Variants in ATRX observed in about 807,000 individuals in gnomAD.
The protein encoded by ATRX is ATRX chromatin remodeler.
A neutral mutation model predicts 172.6 loss-of-function variants in ATRX; 12 were observed. The observed-to-expected ratio is 0.07, with a 90% CI of 0.04 to 0.11. ATRX has a LOEUF of 0.11. Among genes scored for constraint, ATRX ranks in the 10% least tolerant of loss-of-function variants. The pLI, the probability that ATRX is intolerant of heterozygous loss-of-function variation, is 1.00. For synonymous variants in ATRX, 674 were observed against 594.7 expected (o/e 1.13, Z -1.94); for missense variants, 1,368 against 1,767.4 (o/e 0.77, Z 4.05).
At chrX:77,746,827 C>G (rs782020988) in intron 1 of ATRX, among the ~76,000 whole-genome samples, 1 of 111,418 alleles carries the variant, frequency 9.0e-6, no homozygotes, top group South Asian at 3.8e-4. Flanking sequence ...GAGATGGAGT[C>G]TTGCTCTGTG....
chrX:77,694,710 AG>A lies in ATRX; in HGVS notation c.371-774del, dbSNP rs2072085957. Among the ~76,000 whole-genome samples the A allele has an allele frequency of 3.6e-5, 4 of 110,242 alleles. No homozygotes were observed. The South Asian group carries it at 1.6e-3, about 43-fold the overall frequency. On this transcript the variant is annotated intron_variant, in intron 5 of 34. Coordinates refer to ENST00000373344, the MANE Select transcript of ATRX (RefSeq NM_000489.6). ...AGCAAATAAGACAGGCATAGTAAAA[AG>A]GGTTTAGGTTTCAATGTTTACCTAC...
At chrX:77,612,436 G>A (rs1031204353) in intron 22 of ATRX, among the ~76,000 whole-genome samples, 3 of 109,328 alleles carry the variant, frequency 2.7e-5, no homozygotes, top group Non-Finnish European at 5.7e-5. Flanking sequence ...GGGGCAAGGG[G>A]AGGAAGAGCA....
intron 6 of ATRX, among the ~76,000 whole-genome samples, chrX:77,690,171 G>A (rs1307725889): frequency 9.0e-6 from 1 of 111,715 alleles, no homozygotes; most frequent in African/African-American, 3.3e-5. Flanking sequence ...TACCTCCCAG[G>A]CTCAAGCAAT....
At position 77,505,287 on chromosome X, in the gene ATRX, G is replaced by A. The variant is rs782465913; in HGVS notation, c.*3064C>T. On this transcript the variant is annotated 3_prime_UTR_variant, in exon 35 of 35. Coordinates refer to ENST00000373344, the MANE Select transcript of ATRX (RefSeq NM_000489.6). ...TCGATCTGATTTTATGATAATGGAG[G>A]GAAAATGAACATAGCTAAGGGAAGG... The A allele has an allele frequency of 5.7e-6, 1 of 174,256 alleles. No homozygotes were observed. Among genetic ancestry groups the A allele is most frequent in the Non-Finnish European group, 1.1e-5 (1 of 90,933 alleles). The allele number at this position is 174,256 out of a possible 1,213,427, so 14.4% of individuals were successfully genotyped here.
At chrX:77,589,713 A>G in intron 27 of ATRX, 121 bp downstream of exon 27, 1 of 568,045 alleles carries the variant, frequency 1.8e-6, no homozygotes, top group Non-Finnish European at 2.8e-6. Flanking sequence ...ATTGCAAAAA[A>G]ATTTTGATAT....
At chrX:77,710,276 G>A (rs1435057812) in intron 2 of ATRX, among the ~76,000 whole-genome samples, 5 of 106,715 alleles carry the variant, frequency 4.7e-5, no homozygotes, top group Non-Finnish European at 9.6e-5. Context: ...TCTAGCCTGG[G>A]TGACAAAACA....
intron 12 of ATRX, among the ~76,000 whole-genome samples, chrX:77,663,149 T>A (rs782739945): frequency 9.1e-6 from 1 of 109,612 alleles, no homozygotes; most frequent in Non-Finnish European, 1.9e-5. Context: ...GGGGCTCAGG[T>A]GATCCTCCCA....
In ATRX at chrX:77,717,225, T is replaced by G. The variant is rs1244422748; in HGVS notation, c.39A>C (p.Thr13=). The G allele has an allele frequency of 1.7e-5, 20 of 1,206,738 alleles. No homozygotes were observed. The highest frequency in any genetic ancestry group is 2.0e-5 in the Non-Finnish European group (18 of 892,212). The stretch of plus-strand genomic sequence containing the variant: ...GGAAGTCATGAAGCTTCTGCACCAA[T>G]GTATTCAACTTGCTTTCACTATTAA... The part of the protein sequence containing the change: ...AEPMSESKLN[T]LVQKLHDFLA... The change falls in exon 2 of 35, where the codon ACA becomes ACC. Residue 13 remains threonine (T), a synonymous_variant. Transcript: ENST00000373344.
intron 34 of ATRX, among the ~76,000 whole-genome samples, chrX:77,519,090 G>C (rs1315432344): frequency 9.0e-6 from 1 of 111,558 alleles, no homozygotes; most frequent in Non-Finnish European, 1.9e-5. Flanking sequence ...CATTGAACTG[G>C]CAAAGATTTC....
intron 22 of ATRX, among the ~76,000 whole-genome samples, chrX:77,604,092 T>C (rs1186420085): frequency 1.8e-5 from 2 of 112,217 alleles, no homozygotes; most frequent in Non-Finnish European, 3.8e-5. Flanking sequence ...TTCTGGACAT[T>C]GGCCTAGGCA....
intron 1 of ATRX, among the ~76,000 whole-genome samples, chrX:77,720,595 G>A (rs782507324): frequency 9.0e-6 from 1 of 111,511 alleles, no homozygotes; most frequent in Non-Finnish European, 1.9e-5. Context: ...ATAAATGCCT[G>A]GACACATACA....
intron 1 of ATRX, among the ~76,000 whole-genome samples, chrX:77,742,055 A>G (rs908054062): frequency 4.5e-5 from 5 of 111,336 alleles, no homozygotes; most frequent in Non-Finnish European, 9.4e-5. Context: ...GTTGGGGATG[A>G]TGAAAAAGTT....
chrX:77,530,162 T>C (rs1557045785), intron 30 of ATRX, among the ~76,000 whole-genome samples: 4 of 111,654 alleles, frequency 3.6e-5, no homozygotes, highest in Non-Finnish European at 7.5e-5. Flanking sequence ...CAGAACTACA[T>C]GGAAATTGAA....
At chrX:77,767,189 C>T (rs1194147659) in intron 1 of ATRX, among the ~76,000 whole-genome samples, 3 of 106,103 alleles carry the variant, frequency 2.8e-5, no homozygotes, top group Non-Finnish European at 3.9e-5. Context: ...AGCTTCGGCT[C>T]GGCATCAGAG....
chrX:77,643,323 A>G (rs1249123962), intron 15 of ATRX, among the ~76,000 whole-genome samples: 1 of 110,581 alleles, frequency 9.0e-6, no homozygotes, highest in Non-Finnish European at 1.9e-5. Context: ...GGGGCAAGGC[A>G]TTACAGGGGA....
In ATRX at chrX:77,667,295, A is replaced by ATGTGTGTGTGTG. The variant is rs782297684; in HGVS notation, c.3810-2529_3810-2518dup. Among the ~76,000 whole-genome samples, 228 of 89,052 alleles carry ATGTGTGTGTGTG rather than the reference A, an allele frequency of 2.6e-3. 1 individual carries two copies. Among genetic ancestry groups the ATGTGTGTGTGTG allele is most frequent in the South Asian group, 6.9e-3 (11 of 1,603 alleles). 77.3% of individuals were successfully genotyped at this position (89,052 alleles called of 115,157 possible). A position where few individuals can be genotyped will look rare whatever the true frequency, so the allele number is the denominator to read the frequency against. ...ATAATGAATTTTGGGACGAATAAAT[A>ATGTGTGTGTGTG]TGTGTGTGTGTGTGTGTGTGTGTGT... On this transcript the variant is annotated intron_variant, in intron 10 of 34. Transcript: ENST00000373344.
intron 28 of ATRX, among the ~76,000 whole-genome samples, chrX:77,568,495 A>C (rs1200905324): frequency 8.9e-6 from 1 of 112,045 alleles, no homozygotes; most frequent in African/African-American, 3.2e-5. Flanking sequence ...TTAAACTCCC[A>C]AAAAAAGAAA....
intron 28 of ATRX, among the ~76,000 whole-genome samples, chrX:77,565,630 C>T: frequency 9.0e-6 from 1 of 111,674 alleles, no homozygotes; most frequent in African/African-American, 3.3e-5. Flanking sequence ...CAAAGGCACG[C>T]AGATTACTTG....
At chrX:77,557,996 A>T (rs986439452) in intron 29 of ATRX, among the ~76,000 whole-genome samples, 4 of 111,774 alleles carry the variant, frequency 3.6e-5, no homozygotes, top group Admixed American at 2.9e-4. Context: ...ATTTAGGTAA[A>T]TATTGAAGTT....
Sources: gnomAD v4.1 joint callset for allele counts (sites outside exome capture counted in the v4.1 genomes callset) on GRCh38, gnomAD v4.1.1 for gene constraint, MANE v1.5 for transcripts, NCBI Gene and HGNC (gene_info 2026-07-23, HGNC 2026-07-21) for gene names.